STOM: variants seen among roughly 807,000 people sequenced by gnomAD.
The protein encoded by STOM is erythrocyte band 7 integral membrane protein.
A neutral mutation model predicts 30.6 loss-of-function variants in STOM; 25 were observed. The ratio of observed to expected loss-of-function variants is 0.82; its 90% confidence interval spans 0.60 to 1.14. The LOEUF is 1.14. Among genes scored for constraint, STOM ranks in the 50% most tolerant of loss-of-function variants. The pLI, the probability that STOM is intolerant of heterozygous loss-of-function variation, is 0.00. For synonymous variants in STOM, 118 were observed against 130.8 expected (o/e 0.90, Z 0.67); for missense variants, 292 against 365.2 (o/e 0.80, Z 1.63).
chr9:121,362,514 T>C (rs1194355930), intron 1 of STOM, among the ~76,000 whole-genome samples: 4 of 152,232 alleles, frequency 2.6e-5, no homozygotes, highest in African/African-American at 9.6e-5. Flanking sequence ...GCATTGAATA[T>C]ATATTTAGCA....
Position 121,356,106 on chromosome 9 carries a change from A to T in STOM, c.112T>A (p.Ser38Thr), listed in dbSNP as rs372101329. The T allele has an allele frequency of 1.2e-6, 2 of 1,614,056 alleles. No homozygotes were observed. The highest frequency in any genetic ancestry group is 2.7e-5 in the African/African-American group (2 of 74,918). Reference sequence around the variant, plus strand: ...AAAGTTATAACGGTGAATAAGAATGAGAACGCCACCAAAATCCATCCGCAA... The same window carrying T: ...AAAGTTATAACGGTGAATAAGAATGTGAACGCCACCAAAATCCATCCGCAA... ...GPCGWILVAF[S>T]FLFTVITFPI... Residue 38 changes from serine (S) to threonine (T), a missense_variant, in exon 2 of 7, where the codon TCA (serine) becomes ACA (threonine). Coordinates refer to ENST00000286713, the MANE Select transcript of STOM (RefSeq NM_004099.6).
At chr9:121,365,142 A>T (rs1012160544) in intron 1 of STOM, among the ~76,000 whole-genome samples, 8 of 149,612 alleles carry the variant, frequency 5.3e-5, no homozygotes, top group African/African-American at 1.7e-4. Context: ...TGGGGAAAAG[A>T]AAAAAAAAAG....
chr9:121,343,693 T>C (rs2064265776), intron 6 of STOM, among the ~76,000 whole-genome samples: 1 of 152,120 alleles, frequency 6.6e-6, no homozygotes, highest in African/African-American at 2.4e-5. Flanking sequence ...TGTCAATGGC[T>C]GAATACTATG....
chr9:121,357,378 T>G (rs1399342381), intron 1 of STOM, among the ~76,000 whole-genome samples: 3 of 147,258 alleles, frequency 2.0e-5, no homozygotes, highest in African/African-American at 7.3e-5. Flanking sequence ...GGTATTTTGG[T>G]ATATTCTTTG....
chr9:121,346,397 G>T (rs2064290168), intron 6 of STOM, among the ~76,000 whole-genome samples: 1 of 152,210 alleles, frequency 6.6e-6, no homozygotes, highest in Non-Finnish European at 1.5e-5. Flanking sequence ...ACAGTGCTGT[G>T]GTTAATTACT....
chr9:121,360,751 A>G (rs150631693), intron 1 of STOM, among the ~76,000 whole-genome samples: 1,531 of 152,158 alleles, frequency 0.01, 43 homozygotes, highest in Admixed American at 0.056. Context: ...GATCTACATG[A>G]GGACAAGCCA....
At chr9:121,367,113 C>A (rs1469752688) in intron 1 of STOM, among the ~76,000 whole-genome samples, 1 of 151,972 alleles carries the variant, frequency 6.6e-6, no homozygotes, top group Non-Finnish European at 1.5e-5. Flanking sequence ...GGGGAGGGGA[C>A]AGATGAGTCA....
At chr9:121,365,780 G>A (rs2134047081) in intron 1 of STOM, among the ~76,000 whole-genome samples, 1 of 152,284 alleles carries the variant, frequency 6.6e-6, no homozygotes, top group South Asian at 2.1e-4. Context: ...GAGAAAATAT[G>A]TAAAGGGCTT....
intron 6 of STOM, among the ~76,000 whole-genome samples, chr9:121,346,009 GAGA>G (rs1304615524): frequency 2.7e-5 from 4 of 150,688 alleles, no homozygotes; most frequent in South Asian, 2.1e-4. Context: ...TAATTTTTTT[GAGA>G]AGAAGTCTTG....
intron 4 of STOM, 68 bp from the exon 5 acceptor site, chr9:121,349,391 T>C: frequency 1.4e-6 from 2 of 1,385,078 alleles, no homozygotes; most frequent in Non-Finnish European, 2.0e-6. Context: ...TAAGGAATGT[T>C]ATTCTACAGA....
chr9:121,343,629 G>A (rs1188970202), intron 6 of STOM, among the ~76,000 whole-genome samples: 1 of 152,110 alleles, frequency 6.6e-6, no homozygotes, highest in Non-Finnish European at 1.5e-5. Context: ...AGAATATTTT[G>A]GGCAGAACAC....
intron 6 of STOM, among the ~76,000 whole-genome samples, chr9:121,346,426 T>C (rs1393636728): frequency 6.6e-6 from 1 of 152,234 alleles, no homozygotes; most frequent in Non-Finnish European, 1.5e-5. Context: ...AATAGCAGGA[T>C]GGAGTGCTAG....
At chr9:121,353,024 C>CA (rs2134031536) in intron 4 of STOM, among the ~76,000 whole-genome samples, 196 bp downstream of exon 4, 1 of 152,200 alleles carries the variant, frequency 6.6e-6, no homozygotes, top group South Asian at 2.1e-4. Flanking sequence ...ACCCAGGCGG[C>CA]GGAGGTTGCA....
At chr9:121,350,226 AG>A (rs931943848) in intron 4 of STOM, among the ~76,000 whole-genome samples, 35 of 152,358 alleles carry the variant, frequency 2.3e-4, no homozygotes, top group African/African-American at 7.9e-4. Context: ...AGGCTGAGGC[AG>A]GAAGATTGCT....
intron 6 of STOM, among the ~76,000 whole-genome samples, chr9:121,344,121 A>G (rs2064269466): frequency 6.6e-6 from 1 of 152,132 alleles, no homozygotes; most frequent in Admixed American, 6.5e-5. Flanking sequence ...AGAATATAGT[A>G]CTCACTGAGA....
Position 121,341,224 on chromosome 9 carries a change from G to T in STOM, c.845C>A (p.Ala282Glu), listed in dbSNP as rs2064243717. 1 of 1,614,006 alleles carries T rather than the reference G, an allele frequency of 6.2e-7. No homozygotes were observed. Among genetic ancestry groups the T allele is most frequent in the Non-Finnish European group, 8.5e-7 (1 of 1,180,054 alleles). Residue 282 changes from alanine to glutamate, a missense_variant, in exon 7 of 7, where the codon GCA becomes GAA. By Grantham distance (107) the Ala-to-Glu change is moderately radical. Coordinates refer to ENST00000286713, the MANE Select transcript of STOM (RefSeq NM_004099.6). ...PIDMLQGIIGAKHSHLG is the reference protein window; with the variant it reads ...PIDMLQGIIGEKHSHLG ...ACACTAGCCTAGATGGCTGTGTTTT[G>T]CCCCTATGATTCCTTGCAGCATATC...
At chr9:121,362,000 T>TG (rs2064458016) in intron 1 of STOM, among the ~76,000 whole-genome samples, 1 of 152,214 alleles carries the variant, frequency 6.6e-6, no homozygotes, top group Non-Finnish European at 1.5e-5. Context: ...CTGATCCGTC[T>TG]GTGGCCTGGG....
At chr9:121,348,827 T>C (rs2064312477) in intron 5 of STOM, among the ~76,000 whole-genome samples, 1 of 152,232 alleles carries the variant, frequency 6.6e-6, no homozygotes. Flanking sequence ...TAGGAATACC[T>C]ACACTATCTT....
chr9:121,343,887 G>A (rs193298078), intron 6 of STOM, among the ~76,000 whole-genome samples: 1 of 152,262 alleles, frequency 6.6e-6, no homozygotes, highest in African/African-American at 2.4e-5. Flanking sequence ...TAGAAGAGAA[G>A]GCAGTGAAAG....
Sources: allele counts gnomAD v4.1 joint callset (sites outside exome capture counted in the v4.1 genomes callset), GRCh38; gene constraint gnomAD v4.1.1; transcripts MANE v1.5; gene names NCBI Gene and HGNC (gene_info 2026-07-23, HGNC 2026-07-21).